The following CTNNBIP1 variants were observed in gnomAD, a reference collection of about 807,000 sequenced individuals.
CTNNBIP1 encodes the protein catenin beta interacting protein 1.
A neutral mutation model predicts 11.8 loss-of-function variants in CTNNBIP1; 7 were observed. The ratio of observed to expected loss-of-function variants is 0.60; its 90% CI spans 0.34 to 1.12. The LOEUF (loss-of-function observed/expected upper bound fraction) is 1.12. Ranked by LOEUF, CTNNBIP1 falls within the 50% of genes most tolerant of loss-of-function variation. The pLI is 0.03. For synonymous variants in CTNNBIP1, 58 were observed against 43.9 expected (o/e 1.32, Z -1.26); for missense variants, 101 against 113.4 (o/e 0.89, Z 0.50).
chr1:9,882,437 C>T lies in CTNNBIP1; in HGVS notation c.-110+1268G>A, dbSNP rs564054234. The stretch of plus-strand genomic sequence containing the variant: ...AAGTTTGAGTCGCCTCGGGGATGTG[C>T]GGCTGGGAGCCTGGAGGAGAAGGAG... On this transcript the variant is annotated intron_variant, in intron 2 of 5. Coordinates refer to ENST00000377263, the MANE Select transcript of CTNNBIP1 (RefSeq NM_020248.3). 1.3e-3 allele frequency among the ~76,000 whole-genome samples: 203 copies of T among 152,202 alleles called. 1 individual carries two copies. Among genetic ancestry groups the T allele is most frequent in the African/African-American group, 4.7e-3 (195 of 41,532 alleles).
intron 5 of CTNNBIP1, among the ~76,000 whole-genome samples, chr1:9,865,625 AAAC>A (rs984944082): frequency 1.3e-5 from 2 of 152,108 alleles, no homozygotes; most frequent in African/African-American, 2.4e-5. Flanking sequence ...CAAAACAAAA[AAAC>A]AACAAGAAAA....
rs116267890 is a variant in CTNNBIP1 at position 9,863,742 on chromosome 1, G to A, written c.187+7445C>T. Among the ~76,000 whole-genome samples the A allele has an allele frequency of 7.8e-3, 1,192 of 152,336 alleles. 11 individuals are homozygous for A. The highest frequency in any genetic ancestry group is 0.016 in the Admixed American group (240 of 15,300). On this transcript the variant is annotated intron_variant, in intron 5 of 5. Coordinates refer to ENST00000377263, the MANE Select transcript of CTNNBIP1 (RefSeq NM_020248.3). ...ACATGCTGACTTGGAAGGGGTCAGC[G>A]AGGGCTTCATGAAGGAAGTGAAAGA...
chr1:9,894,152 C>G (rs1373929292), intron 1 of CTNNBIP1, among the ~76,000 whole-genome samples: 1 of 152,146 alleles, frequency 6.6e-6, no homozygotes. Context: ...CTCCTGGAGT[C>G]CCACTGTTCA....
chr1:9,864,294 G>A lies in CTNNBIP1; in HGVS notation c.187+6893C>T, dbSNP rs192985379. 2.1e-3 allele frequency among the ~76,000 whole-genome samples: 325 copies of A among 152,342 alleles called. 1 individual carries two copies. The highest frequency in any genetic ancestry group is 3.3e-3 in the Non-Finnish European group (225 of 68,030). ...TCCTTGACAAAATGAGCCAAGTCTAGGTCTAGGCGGGGTCCCTCTCAGCAA... is the reference window on the plus strand; with the variant it reads ...TCCTTGACAAAATGAGCCAAGTCTAAGTCTAGGCGGGGTCCCTCTCAGCAA... On this transcript the variant is annotated intron_variant, in intron 5 of 5. Transcript: ENST00000377263.
intron 1 of CTNNBIP1, among the ~76,000 whole-genome samples, chr1:9,887,240 A>G (rs1198263389): frequency 6.6e-6 from 1 of 152,216 alleles, no homozygotes; most frequent in Non-Finnish European, 1.5e-5. Context: ...CAAGCCTGCA[A>G]GGTAGGAATT....
chr1:9,859,270 C>T (rs1474546159), intron 5 of CTNNBIP1, among the ~76,000 whole-genome samples: 1 of 152,226 alleles, frequency 6.6e-6, no homozygotes, highest in African/African-American at 2.4e-5. Flanking sequence ...ACAGGGTATC[C>T]AGCAGGCCCT....
chr1:9,894,852 T>C (rs1422271587), intron 1 of CTNNBIP1, among the ~76,000 whole-genome samples: 1 of 150,508 alleles, frequency 6.6e-6, no homozygotes, highest in African/African-American at 2.4e-5. Context: ...GAGATTCTCC[T>C]GCCTCAGCCT....
At chr1:9,865,228 CAAAA>C (rs34199460) in intron 5 of CTNNBIP1, among the ~76,000 whole-genome samples, 4 of 86,522 alleles carry the variant, frequency 4.6e-5, no homozygotes, top group South Asian at 6.5e-4. Flanking sequence ...GACTCTGTCT[CAAAA>C]AAAAAAAAAA....
chr1:9,882,462 G>A (rs1639103537), intron 2 of CTNNBIP1, among the ~76,000 whole-genome samples: 1 of 152,182 alleles, frequency 6.6e-6, no homozygotes, highest in Non-Finnish European at 1.5e-5. Flanking sequence ...AGGAGAAGGA[G>A]GAGTTGGTAG....
At position 9,867,231 on chromosome 1, in the gene CTNNBIP1, G is replaced by T. The variant is rs1638765215; in HGVS notation, c.187+3956C>A. ...AAGGAGGCTGTCATTGGTGGTCTCA[G>T]CCCAGCAGAGGCCAGGCAGGCTGGG... On this transcript the variant is annotated intron_variant, in intron 5 of 5. Coordinates refer to ENST00000377263, the MANE Select transcript of CTNNBIP1 (RefSeq NM_020248.3). The surrounding 1 kb of genome is among the most constrained non-coding windows in gnomAD (Gnocchi z 4.6). Among the ~76,000 whole-genome samples, 1 of 152,184 alleles carries T rather than the reference G, an allele frequency of 6.6e-6. No homozygotes were observed. Among genetic ancestry groups the T allele is most frequent in the South Asian group, 2.1e-4 (1 of 4,836 alleles).
intron 5 of CTNNBIP1, among the ~76,000 whole-genome samples, chr1:9,869,116 C>T (rs188841829): frequency 1.7e-3 from 263 of 151,544 alleles, no homozygotes; most frequent in African/African-American, 5.7e-3. Context: ...CCTCTCACCT[C>T]AGCCTCCCTA....
intron 1 of CTNNBIP1, among the ~76,000 whole-genome samples, chr1:9,888,697 C>G (rs995551934): frequency 6.6e-6 from 1 of 152,308 alleles, no homozygotes; most frequent in Non-Finnish European, 1.5e-5. Flanking sequence ...CCATGAAGCC[C>G]AAATGCAGGA....
intron 5 of CTNNBIP1, among the ~76,000 whole-genome samples, chr1:9,856,617 G>A (rs944651587): frequency 2.0e-4 from 30 of 150,852 alleles, no homozygotes; most frequent in Non-Finnish European, 3.7e-4. Flanking sequence ...GCATTCAAGC[G>A]ATTCTCCTGC....
At chr1:9,878,524 C>T (rs944357765) in intron 2 of CTNNBIP1, among the ~76,000 whole-genome samples, 3 of 152,218 alleles carry the variant, frequency 2.0e-5, no homozygotes, top group African/African-American at 7.2e-5. Flanking sequence ...TAGAAACACA[C>T]GAAAAGCACA....
At chr1:9,860,740 C>T (rs1047545361) in intron 5 of CTNNBIP1, among the ~76,000 whole-genome samples, 8 of 152,116 alleles carry the variant, frequency 5.3e-5, no homozygotes, top group African/African-American at 1.7e-4. Context: ...AAATCCTCAC[C>T]ACCCCTCTTC....
At chr1:9,899,325 G>A (rs578099959) in intron 1 of CTNNBIP1, among the ~76,000 whole-genome samples, 46 of 151,190 alleles carry the variant, frequency 3.0e-4, no homozygotes, top group Admixed American at 4.6e-4. Flanking sequence ...GTGTGGTGGC[G>A]TGCACCTGTA....
intron 1 of CTNNBIP1, among the ~76,000 whole-genome samples, chr1:9,891,652 A>G (rs1639302820): frequency 6.6e-6 from 1 of 152,132 alleles, no homozygotes; most frequent in East Asian, 1.9e-4. Flanking sequence ...TCTTCGGAAA[A>G]TAAGTTTTGT....
chr1:9,874,101 T>A (rs1570576010), intron 3 of CTNNBIP1, among the ~76,000 whole-genome samples: 1 of 152,084 alleles, frequency 6.6e-6, no homozygotes, highest in Non-Finnish European at 1.5e-5. Context: ...TGCCTCCCTC[T>A]CCAGCCTGTC....
At chr1:9,860,236 T>C (rs1638593695) in intron 5 of CTNNBIP1, among the ~76,000 whole-genome samples, 1 of 151,832 alleles carries the variant, frequency 6.6e-6, no homozygotes, top group Non-Finnish European at 1.5e-5. Context: ...CTGTACAATG[T>C]CACTGGAGAA....
Sources: gnomAD v4.1 joint callset for allele counts (sites outside exome capture counted in the v4.1 genomes callset) on GRCh38, gnomAD v4.1.1 for gene constraint, Gnocchi (gnomAD v3.1) non-coding constraint, MANE v1.5 for transcripts, NCBI Gene and HGNC (gene_info 2026-07-23, HGNC 2026-07-21) for gene names.